Variants in ARGFX observed in about 807,000 individuals in gnomAD.
ARGFX encodes arginine-fifty homeobox.
In ARGFX, 10 loss-of-function variants were observed where a neutral mutation model predicts 8.0. That is an observed-to-expected ratio of 1.25 (90% CI 0.77 to 2.12). The LOEUF (loss-of-function observed/expected upper bound fraction) is 2.12, where lower values mean the gene tolerates loss of function less well. ARGFX is among the 30% of genes most tolerant of loss of function. ARGFX has a pLI of 0.00. For synonymous variants in ARGFX, 116 were observed against 117.8 expected, an observed-to-expected ratio of 0.98 and a Z score of 0.10; for missense variants, 282 against 324.3, an observed-to-expected ratio of 0.87 and a Z score of 1.00.
At chr3:121,574,350 C>G (rs2048724620) in intron 2 of ARGFX, among the ~76,000 whole-genome samples, 1 of 151,972 alleles carries the variant, frequency 6.6e-6, no homozygotes. Context: ...CATTTTATTT[C>G]TATTATTATT....
At chr3:121,580,236 G>A (rs1200507459) in intron 3 of ARGFX, among the ~76,000 whole-genome samples, 2 of 151,422 alleles carry the variant, frequency 1.3e-5, no homozygotes, top group African/African-American at 2.4e-5. Flanking sequence ...TCCGCCTCCC[G>A]TGTTCAAGTG....
In ARGFX at chr3:121,587,276, T is replaced by A. The variant is rs1309083114; in HGVS notation, c.*676T>A. ...CACGTTGCCCAGGCTGGTCTTGAACTCCTGACCTCCAGTGATCCGCCTGCC... is the reference window on the plus strand; with the variant it reads ...CACGTTGCCCAGGCTGGTCTTGAACACCTGACCTCCAGTGATCCGCCTGCC... On this transcript the variant is annotated 3_prime_UTR_variant, in exon 5 of 5. Coordinates refer to ENST00000334384, the MANE Select transcript of ARGFX (RefSeq NM_001012659.2). 1.3e-5 allele frequency among the ~76,000 whole-genome samples: 2 copies of A among 152,104 alleles called. No individual in the cohort carries two copies. Among genetic ancestry groups the A allele is most frequent in the African/African-American group, 4.8e-5 (2 of 41,410 alleles).
At chr3:121,584,212 A>T (rs2048797342) in intron 3 of ARGFX, among the ~76,000 whole-genome samples, 1 of 93,722 alleles carries the variant, frequency 1.1e-5, no homozygotes, top group Non-Finnish European at 2.5e-5. Flanking sequence ...GAGAGGAAGG[A>T]AGGAAGGAAG....
chr3:121,581,890 T>C (rs2048782551), intron 3 of ARGFX, among the ~76,000 whole-genome samples: 1 of 151,726 alleles, frequency 6.6e-6, no homozygotes, highest in African/African-American at 2.4e-5. Flanking sequence ...CCTGGGCTGG[T>C]GAGGGAGACT....
chr3:121,570,593 A>G (rs2048701530), intron 1 of ARGFX, 109 bp from the exon 2 acceptor site: 6 of 555,202 alleles, frequency 1.1e-5, no homozygotes, highest in Non-Finnish European at 1.9e-5. Flanking sequence ...TTGGGGGTTA[A>G]CCTCACTTGC....
chr3:121,576,386 T>C (rs2048736231), intron 2 of ARGFX, among the ~76,000 whole-genome samples: 1 of 152,242 alleles, frequency 6.6e-6, no homozygotes, highest in African/African-American at 2.4e-5. Context: ...TCACCCAGGC[T>C]GGAGTGCAGT....
rs1390356481 is a variant in ARGFX at position 121,588,804 on chromosome 3, G to A, written c.*2204G>A. On this transcript the variant is annotated 3_prime_UTR_variant, in exon 5 of 5. Coordinates refer to ENST00000334384, the MANE Select transcript of ARGFX (RefSeq NM_001012659.2). ...TAGCTGGGCATGGTGGCACACACCT[G>A]TAGTCCCAGCTACTTGGGAGGCTGA... 1.3e-5 allele frequency among the ~76,000 whole-genome samples: 2 copies of A among 151,412 alleles called. No homozygotes were observed. Among genetic ancestry groups the A allele is most frequent in the African/African-American group, 2.4e-5 (1 of 41,282 alleles).
chr3:121,587,966 T>TATATATATATAGTACAATGAAAAAATA lies in ARGFX; in HGVS notation c.*1377_*1378insGTACAATGAAAAAATAATATATATATA, dbSNP rs2048822565. ...TTAATATAGTACAATGAAAAAATAA[T>TATATATATATAGTACAATGAAAAAATA]ATATATATATATAGTACAATGGTCC... On this transcript the variant is annotated 3_prime_UTR_variant, in exon 5 of 5. Transcript: ENST00000334384. Among the ~76,000 whole-genome samples the TATATATATATAGTACAATGAAAAAATA allele has an allele frequency of 6.3e-5, 3 of 47,532 alleles. No individual in the cohort carries two copies. In the South Asian group the frequency reaches 2.5e-3, roughly 39 times the overall value. 31.2% of individuals were successfully genotyped at this position (47,532 alleles called of 152,430 possible). A position where few individuals can be genotyped will look rare whatever the true frequency, so the allele number is the denominator to read the frequency against.
At chr3:121,582,345 C>T (rs747914233) in intron 3 of ARGFX, among the ~76,000 whole-genome samples, 2 of 151,826 alleles carry the variant, frequency 1.3e-5, no homozygotes, top group African/African-American at 2.4e-5. Flanking sequence ...CCTGGTAAAA[C>T]GATGTTATTT....
intron 3 of ARGFX, among the ~76,000 whole-genome samples, chr3:121,579,930 C>CTTTTA (rs1560121255): frequency 3.3e-4 from 26 of 78,102 alleles, no homozygotes; most frequent in Non-Finnish European, 6.1e-4. Flanking sequence ...CTTTCTTTTT[C>CTTTTA]TTTTCTTTTC....
Position 121,588,876 on chromosome 3 carries a change from C to T in ARGFX, c.*2276C>T, listed in dbSNP as rs1171286792. ...GAAACTATGCAGTGTGTTCTCCAAA[C>T]ATGATGGAACGAAATTAGAAATCAA... On this transcript the variant is annotated 3_prime_UTR_variant, in exon 5 of 5. Transcript: ENST00000334384. Among the ~76,000 whole-genome samples, 1 of 151,916 alleles carries T rather than the reference C, an allele frequency of 6.6e-6. No homozygotes were observed. The highest frequency in any genetic ancestry group is 1.5e-5 in the Non-Finnish European group (1 of 68,036).
chr3:121,575,703 C>G (rs948788785), intron 2 of ARGFX, among the ~76,000 whole-genome samples: 1 of 152,094 alleles, frequency 6.6e-6, no homozygotes, highest in Non-Finnish European at 1.5e-5. Context: ...CATTTGAGGG[C>G]AGGAGTTTGA....
In ARGFX at chr3:121,587,164, G is replaced by C. The variant is rs1449122532; in HGVS notation, c.*564G>C. 1.3e-5 allele frequency among the ~76,000 whole-genome samples: 2 copies of C among 152,018 alleles called. No homozygotes were observed. Among genetic ancestry groups the C allele is most frequent in the African/African-American group, 2.4e-5 (1 of 41,388 alleles). On this transcript the variant is annotated 3_prime_UTR_variant, in exon 5 of 5. Coordinates refer to ENST00000334384, the MANE Select transcript of ARGFX (RefSeq NM_001012659.2). ...CTCCTGGGGTTCAAGTGATTCTCCT[G>C]TGTCAGCCTCCTGAGTAGCTGGGAT...
Position 121,586,579 on chromosome 3 carries a change from G to C in ARGFX, c.927G>C (p.Met309Ile), listed in dbSNP as rs199657126. ...DSLEFQKTSN[M>I]VDLGFL ...TGGAATTCCAGAAAACCTCCAATATGGTAGACTTGGGATTTCTCTGACCAG... is the reference window on the plus strand; with the variant it reads ...TGGAATTCCAGAAAACCTCCAATATCGTAGACTTGGGATTTCTCTGACCAG... The change falls in exon 5 of 5, where the codon ATG becomes ATC. Residue 309 changes from methionine (M) to isoleucine (I), a missense_variant. Transcript: ENST00000334384. The C allele has an allele frequency of 2.4e-5, 39 of 1,613,154 alleles. No homozygotes were observed. In the East Asian group the frequency reaches 7.6e-4, roughly 31 times the overall value.
intron 1 of ARGFX, among the ~76,000 whole-genome samples, chr3:121,570,072 C>T (rs1260741235): frequency 6.6e-6 from 1 of 152,190 alleles, no homozygotes; most frequent in Non-Finnish European, 1.5e-5. Flanking sequence ...AGCTTTTAAA[C>T]ATTTAAGACC....
chr3:121,585,809 C>T (rs2048808556), intron 4 of ARGFX, among the ~76,000 whole-genome samples: 1 of 152,154 alleles, frequency 6.6e-6, no homozygotes, highest in African/African-American at 2.4e-5. Context: ...CCCTGAAACA[C>T]ACCCGCTTCC....
intron 2 of ARGFX, among the ~76,000 whole-genome samples, chr3:121,575,437 T>C (rs1161860004): frequency 6.6e-6 from 1 of 152,236 alleles, no homozygotes; most frequent in Non-Finnish European, 1.5e-5. Context: ...AAGTAGCCTA[T>C]GTTGCAGAAT....
Position 121,586,561 on chromosome 3 carries a change from C to G in ARGFX, c.909C>G (p.Phe303Leu). 1.9e-6 allele frequency: 3 copies of G among 1,613,982 alleles called. No individual in the cohort carries two copies. In the Middle Eastern group the frequency reaches 5.0e-4, roughly 266 times the overall value. ...EAYSLTDSLEFQKTSNMVDLG... is the reference protein window; with the variant it reads ...EAYSLTDSLELQKTSNMVDLG... Reference sequence around the variant, plus strand: ...ACAGTCTAACAGATAGCCTGGAATTCCAGAAAACCTCCAATATGGTAGACT... The same window carrying G: ...ACAGTCTAACAGATAGCCTGGAATTGCAGAAAACCTCCAATATGGTAGACT... The change falls in exon 5 of 5, where the codon TTC (phenylalanine) becomes TTG (leucine). Residue 303 changes from phenylalanine to leucine, a missense_variant. Transcript: ENST00000334384.
intron 3 of ARGFX, among the ~76,000 whole-genome samples, chr3:121,583,021 CGG>C (rs1308513736): frequency 1.6e-5 from 2 of 128,224 alleles, no homozygotes; most frequent in Non-Finnish European, 3.2e-5. Context: ...TTGATAATTG[CGG>C]GATTTTTTTT....
Sources: gnomAD v4.1 joint callset for allele counts (sites outside exome capture counted in the v4.1 genomes callset) on GRCh38, gnomAD v4.1.1 for gene constraint, MANE v1.5 for transcripts, NCBI Gene and HGNC (gene_info 2026-07-23, HGNC 2026-07-21) for gene names.